POU3F3: variants seen among roughly 807,000 people sequenced by gnomAD.
POU3F3 encodes POU class 3 homeobox 3, also known as POU domain, class 3, transcription factor 3.
Under a neutral mutation model 8.6 loss-of-function variants are expected in POU3F3, and 1 was observed. The observed-to-expected ratio is 0.12, with a 90% CI of 0.04 to 0.55. The LOEUF is 0.55. POU3F3 is among the 20% of genes least tolerant of loss of function. The pLI, the probability that POU3F3 is intolerant of heterozygous loss-of-function variation, is 0.91. For synonymous variants in POU3F3, 418 were observed against 327.4 expected, an observed-to-expected ratio of 1.28 and a Z score of -2.99; for missense variants, 577 against 690.7, an observed-to-expected ratio of 0.84 and a Z score of 1.84.
At chr2:104,885,857 G>T in the POU3F3 span, among the ~76,000 whole-genome samples, 1 of 151,988 alleles carries the variant, frequency 6.6e-6, no homozygotes, top group Non-Finnish European at 1.5e-5. Flanking sequence ...GAGTGTGATG[G>T]CGTAATCTCG....
the POU3F3 span, among the ~76,000 whole-genome samples, chr2:104,904,029 AGGT>A: frequency 6.6e-6 from 1 of 152,180 alleles, no homozygotes; most frequent in Non-Finnish European, 1.5e-5. Context: ...GAGATGGGGA[AGGT>A]TCCAGAGGGC....
chr2:104,905,332 A>G, the POU3F3 span, among the ~76,000 whole-genome samples: 6 of 152,236 alleles, frequency 3.9e-5, no homozygotes, highest in Non-Finnish European at 7.3e-5. Context: ...TACAAACTGC[A>G]TACTTCCACT....
chr2:104,886,936 A>T, the POU3F3 span, among the ~76,000 whole-genome samples: 2,490 of 152,144 alleles, frequency 0.016, 63 homozygotes, highest in African/African-American at 0.056. Context: ...AATTTAAAAA[A>T]TTTTAAAAAA....
At chr2:104,874,409 G>A in the POU3F3 span, among the ~76,000 whole-genome samples, 685 of 152,312 alleles carry the variant, frequency 4.5e-3, 5 homozygotes, top group African/African-American at 0.015. Flanking sequence ...GGAGGTAATC[G>A]GGAACATGCA....
chr2:104,857,742 G>A lies in POU3F3; in HGVS notation c.*729G>A, dbSNP rs1049499351. 2.7e-5 allele frequency: 4 copies of A among 150,800 alleles called. No individual in the cohort carries two copies. Among genetic ancestry groups the A allele is most frequent in the African/African-American group, 7.4e-5 (3 of 40,470 alleles). 9.3% of individuals were successfully genotyped at this position (150,800 alleles called of 1,614,324 possible). On this transcript the variant is annotated 3_prime_UTR_variant, in exon 1 of 1. Transcript: ENST00000361360. ...AAATCAACTCTGAAATGGGAAGGAG[G>A]GGGGAAAAACAGTCTCCAAGAAAAA...
the POU3F3 span, among the ~76,000 whole-genome samples, chr2:104,915,811 TGTGG>T: frequency 6.6e-6 from 1 of 151,900 alleles, no homozygotes; most frequent in African/African-American, 2.4e-5. Context: ...TCCTTTGGAG[TGTGG>T]GTTCCTGGTG....
the POU3F3 span, chr2:104,867,306 T>C: frequency 6.6e-6 from 1 of 152,178 alleles, no homozygotes; most frequent in Non-Finnish European, 1.5e-5. The surrounding 1 kb of genome is among the most constrained non-coding windows in gnomAD (Gnocchi z 5.0). Flanking sequence ...CGCCGGGCCC[T>C]CTCCGCTGGG....
chr2:104,859,918 G>T (rs1183337875), downstream of POU3F3, among the ~76,000 whole-genome samples: 1 of 152,050 alleles, frequency 6.6e-6, no homozygotes, highest in Non-Finnish European at 1.5e-5. Flanking sequence ...CACCATTTTG[G>T]GGGTGTCTAG....
the POU3F3 span, among the ~76,000 whole-genome samples, chr2:104,912,196 C>A: frequency 6.6e-6 from 1 of 152,140 alleles, no homozygotes; most frequent in African/African-American, 2.4e-5. Context: ...TCGTGCTGGT[C>A]GGGCAAGCAT....
At chr2:104,926,973 A>AG in the POU3F3 span, among the ~76,000 whole-genome samples, 1 of 152,100 alleles carries the variant, frequency 6.6e-6, no homozygotes. Context: ...GGGCTAGGGG[A>AG]GGGATAGCAT....
chr2:104,925,440 C>A, the POU3F3 span, among the ~76,000 whole-genome samples: 1 of 152,096 alleles, frequency 6.6e-6, no homozygotes, highest in African/African-American at 2.4e-5. Context: ...CCAAGGTTTC[C>A]TCTTACTCTC....
the POU3F3 span, among the ~76,000 whole-genome samples, chr2:104,913,887 A>C: frequency 6.6e-6 from 1 of 152,224 alleles, no homozygotes; most frequent in African/African-American, 2.4e-5. Context: ...AACGAAAAAA[A>C]AAATACCTAG....
chr2:104,887,900 A>G, the POU3F3 span, among the ~76,000 whole-genome samples: 5 of 152,242 alleles, frequency 3.3e-5, no homozygotes, highest in African/African-American at 1.2e-4. Context: ...AAAGCGGGGA[A>G]CACTTAAGAA....
the POU3F3 span, among the ~76,000 whole-genome samples, chr2:104,920,155 C>T: frequency 3.9e-5 from 6 of 152,188 alleles, no homozygotes; most frequent in African/African-American, 1.4e-4. Context: ...CCTGGAATTA[C>T]AGGCGCATGC....
the POU3F3 span, among the ~76,000 whole-genome samples, chr2:104,926,385 C>CT: frequency 3.3e-5 from 5 of 152,132 alleles, no homozygotes; most frequent in Non-Finnish European, 5.9e-5. Context: ...TAGAGAAATG[C>CT]AAATCAAAAC....
At chr2:104,900,470 A>T in the POU3F3 span, among the ~76,000 whole-genome samples, 1 of 152,236 alleles carries the variant, frequency 6.6e-6, no homozygotes, top group African/African-American at 2.4e-5. Flanking sequence ...TTTAATTAAA[A>T]TGAAAGGAAG....
the POU3F3 span, among the ~76,000 whole-genome samples, chr2:104,910,995 A>T: frequency 6.6e-6 from 1 of 152,170 alleles, no homozygotes; most frequent in Non-Finnish European, 1.5e-5. Context: ...ATATGGGAGG[A>T]TGTAAGTAGG....
the POU3F3 span, among the ~76,000 whole-genome samples, chr2:104,885,893 G>C: frequency 6.6e-6 from 1 of 152,056 alleles, no homozygotes; most frequent in African/African-American, 2.4e-5. Flanking sequence ...TGCCTCCCAG[G>C]TTCAAGTGAT....
chr2:104,854,192 G>A lies in POU3F3; in HGVS notation c.-1319G>A, dbSNP rs1426744942. Among the ~76,000 whole-genome samples the A allele has an allele frequency of 6.6e-6, 1 of 152,172 alleles. No homozygotes were observed. The highest frequency in any genetic ancestry group is 1.5e-5 in the Non-Finnish European group (1 of 68,038). ...GGAGCGAGAGCGGGCGCCCGAGAGA[G>A]GGAGAGAGAGAGAGGGAGGGAGAGG... On this transcript the variant is annotated 5_prime_UTR_variant, in exon 1 of 1. Coordinates refer to ENST00000361360, the MANE Select transcript of POU3F3 (RefSeq NM_006236.3). This position sits in a 1 kb window ranked among gnomAD's most constrained non-coding sequence, Gnocchi z 4.5.
Sources: gnomAD v4.1 joint callset for allele counts (sites outside exome capture counted in the v4.1 genomes callset) on GRCh38, gnomAD v4.1.1 for gene constraint, Gnocchi (gnomAD v3.1) non-coding constraint, MANE v1.5 for transcripts, NCBI Gene and HGNC (gene_info 2026-07-23, HGNC 2026-07-21) for gene names.